Variants in REV3L observed in about 807,000 individuals in gnomAD.
The protein encoded by REV3L is REV3 like, DNA directed polymerase zeta catalytic subunit.
REV3L carries 69 observed loss-of-function variants against 299.4 expected under a neutral mutation model. The observed-to-expected ratio is 0.23, with a 90% CI of 0.19 to 0.28. REV3L has a LOEUF of 0.28. Among genes scored for constraint, REV3L ranks in the 10% least tolerant of loss-of-function variants. The pLI is 1.00. For synonymous variants in REV3L, 1,238 were observed against 1,271.4 expected (o/e 0.97, Z 0.56); for missense variants, 3,128 against 3,693.8 (o/e 0.85, Z 3.97).
At chr6:111,334,603 GAAA>G (rs1296016225) in intron 22 of REV3L, among the ~76,000 whole-genome samples, 1 of 151,896 alleles carries the variant, frequency 6.6e-6, no homozygotes, top group Admixed American at 6.6e-5. Flanking sequence ...TGGGGTATTA[GAAA>G]AAAAATTACT....
chr6:111,383,693 T>C (rs1177834925), intron 9 of REV3L, among the ~76,000 whole-genome samples: 1 of 152,030 alleles, frequency 6.6e-6, no homozygotes, highest in Admixed American at 6.6e-5. Context: ...CCCAGAGCAA[T>C]CTACAGATTC....
chr6:111,407,247 A>G (rs1783741830), intron 3 of REV3L, among the ~76,000 whole-genome samples: 1 of 152,238 alleles, frequency 6.6e-6, no homozygotes, highest in Non-Finnish European at 1.5e-5. Context: ...AAATGAGGCT[A>G]TTCATATACA....
intron 25 of REV3L, among the ~76,000 whole-genome samples, chr6:111,329,280 T>C (rs1775143902): frequency 6.6e-6 from 1 of 151,962 alleles, no homozygotes; most frequent in African/African-American, 2.4e-5. Context: ...TGACCTCATG[T>C]GATCCGCCTG....
At chr6:111,309,140 C>A (rs1313818711) in intron 30 of REV3L, 1 of 152,332 alleles carries the variant, frequency 6.6e-6, no homozygotes, top group Non-Finnish European at 1.5e-5. Flanking sequence ...AGTTTGCTGT[C>A]TATAGGCGGC....
chr6:111,466,257 T>A lies in REV3L; in HGVS notation c.139+16493A>T, dbSNP rs564377431. On this transcript the variant is annotated intron_variant, in intron 1 of 31. Transcript: ENST00000368802. ...GAAAAGCACTGTGATAAAAGACTTA[T>A]CGGTCATGAAGCTGGGATGTGCCAA... Among the ~76,000 whole-genome samples the A allele has an allele frequency of 4.6e-5, 7 of 152,338 alleles. No individual in the cohort carries two copies. In the South Asian group the frequency reaches 1.4e-3, roughly 32 times the overall value.
Position 111,422,680 on chromosome 6 carries a change from GTATATA to G in REV3L, c.140-6214_140-6209del, listed in dbSNP as rs774474693. ...TATATATACATATATATATATATAC[GTATATA>G]TATATATATATATATTTCCCCCCAC... On this transcript the variant is annotated intron_variant, in intron 1 of 31. Coordinates refer to ENST00000368802, the MANE Select transcript of REV3L (RefSeq NM_001372078.1). Among the ~76,000 whole-genome samples, 6 of 11,218 alleles carry G rather than the reference GTATATA, an allele frequency of 5.3e-4. 1 individual carries two copies. The highest frequency in any genetic ancestry group is 1.4e-3 in the East Asian group (1 of 698). The allele number at this position is 11,218 out of a possible 152,430, so 7.4% of individuals were successfully genotyped here.
At chr6:111,431,569 A>G (rs1456917670) in intron 1 of REV3L, 6 of 779,538 alleles carry the variant, frequency 7.7e-6, no homozygotes, top group African/African-American at 1.7e-5. Context: ...TCCCTCATAC[A>G]GAGAAATGCA....
intron 1 of REV3L, among the ~76,000 whole-genome samples, chr6:111,448,389 C>G (rs990366175): frequency 2.0e-5 from 3 of 150,848 alleles, no homozygotes; most frequent in African/African-American, 7.3e-5. Flanking sequence ...CCCAGGCTGG[C>G]GTATAATAGA....
chr6:111,356,002 CAT>C (rs769896541), intron 18 of REV3L, among the ~76,000 whole-genome samples: 58 of 152,206 alleles, frequency 3.8e-4, no homozygotes, highest in African/African-American at 1.1e-3. Context: ...GTAGAAAACA[CAT>C]GTTTTGGTTT....
In REV3L at chr6:111,416,363, G is replaced by C. The variant is rs533806331; in HGVS notation, c.249C>G (p.Ile83Met). The change falls in exon 2 of 32, where the codon ATC becomes ATG. Residue 83 changes from isoleucine to methionine, a missense_variant. Ile to Met is a conservative substitution (Grantham distance 10). Transcript: ENST00000368802. ...CTAAAGCCACATTAAGTGCTCTGTC[G>C]ATACTGAATGCCATCTGAGAAAGAT... ...ESYLSQMAFS[I>M]DRALNVALGN... The C allele has an allele frequency of 2.1e-5, 34 of 1,613,566 alleles. No homozygotes were observed. The highest frequency in any genetic ancestry group is 2.5e-5 in the Non-Finnish European group (29 of 1,179,702).
chr6:111,389,940 T>C (rs777685633), intron 6 of REV3L, 146 bp downstream of exon 6: 9 of 497,508 alleles, frequency 1.8e-5, no homozygotes, highest in Non-Finnish European at 2.9e-5. Flanking sequence ...GGTTTCACCA[T>C]GTTGGCCAGG....
At chr6:111,481,142 G>C (rs1399929307) in intron 1 of REV3L, among the ~76,000 whole-genome samples, 1 of 152,096 alleles carries the variant, frequency 6.6e-6, no homozygotes, top group Non-Finnish European at 1.5e-5. Context: ...AACCATACAA[G>C]CTGTAATACA....
intron 25 of REV3L, among the ~76,000 whole-genome samples, chr6:111,325,593 A>G (rs940778677): frequency 6.6e-6 from 1 of 152,266 alleles, no homozygotes; most frequent in African/African-American, 2.4e-5. Context: ...GAAGGAAAGC[A>G]GGAGACCACA....
intron 1 of REV3L, among the ~76,000 whole-genome samples, chr6:111,476,868 T>C (rs983129820): frequency 4.6e-5 from 7 of 152,214 alleles, no homozygotes; most frequent in Non-Finnish European, 1.0e-4. Context: ...ACGAATCTCA[T>C]GTCTCCCACT....
chr6:111,344,878 A>G (rs1410969602), intron 20 of REV3L, among the ~76,000 whole-genome samples: 1 of 152,226 alleles, frequency 6.6e-6, no homozygotes, highest in African/African-American at 2.4e-5. Flanking sequence ...CAGGAGGTAC[A>G]AAATAGGGAT....
At chr6:111,317,667 G>C (rs1478723018) in intron 26 of REV3L, among the ~76,000 whole-genome samples, 2 of 152,060 alleles carry the variant, frequency 1.3e-5, no homozygotes, top group Non-Finnish European at 2.9e-5. Flanking sequence ...TTTTTTCCAA[G>C]AATTTTATAT....
At chr6:111,411,070 A>G (rs954298793) in intron 3 of REV3L, among the ~76,000 whole-genome samples, 8 of 152,256 alleles carry the variant, frequency 5.3e-5, no homozygotes, top group Admixed American at 3.9e-4. Context: ...TTTCACCAAC[A>G]TCTAGTAAAC....
chr6:111,389,094 T>C lies in REV3L; in HGVS notation c.862+12A>G, dbSNP rs923830719. 6 of 1,587,008 alleles carry C rather than the reference T, an allele frequency of 3.8e-6. No homozygotes were observed. In the African/African-American group the frequency reaches 6.7e-5, roughly 18 times the overall value. ...ATTTAAAAGAATAATCAGAGCACTA[T>C]TAGGTTTATACCTTGTGACTCAGGT... On this transcript the variant is annotated intron_variant, in intron 7 of 31. Coordinates refer to ENST00000368802, the MANE Select transcript of REV3L (RefSeq NM_001372078.1).
chr6:111,403,040 C>T (rs746217903), intron 4 of REV3L, among the ~76,000 whole-genome samples: 11 of 152,122 alleles, frequency 7.2e-5, no homozygotes, highest in Non-Finnish European at 1.5e-4. Context: ...AGTGTATTCA[C>T]ATAACAGAGT....
Sources: allele counts gnomAD v4.1 joint callset (sites outside exome capture counted in the v4.1 genomes callset), GRCh38; gene constraint gnomAD v4.1.1; transcripts MANE v1.5; gene names NCBI Gene and HGNC (gene_info 2026-07-23, HGNC 2026-07-21).